The following PHACTR1 variants were observed in gnomAD, a reference collection of about 807,000 sequenced individuals.
The protein encoded by PHACTR1 is phosphatase and actin regulator 1.
PHACTR1 carries 16 observed loss-of-function variants against 69.2 expected under a neutral mutation model. The ratio of observed to expected loss-of-function variants is 0.23; its 90% confidence interval spans 0.16 to 0.35. PHACTR1 has a LOEUF of 0.35. Among genes scored for constraint, PHACTR1 ranks in the 10% least tolerant of loss-of-function variants. The probability of loss-of-function intolerance (pLI) is 1.00; values close to 1 mark genes in which losing one functional copy is unlikely to be tolerated. For missense variants in PHACTR1, 510 were observed against 734.7 expected, an observed-to-expected ratio of 0.69 and a Z score of 3.54; for synonymous variants, 312 against 284.5, an observed-to-expected ratio of 1.10 and a Z score of -0.97.
chr6:12,774,364 T>G (rs955441055), intron 4 of PHACTR1, among the ~76,000 whole-genome samples: 17 of 151,788 alleles, frequency 1.1e-4, no homozygotes, highest in African/African-American at 3.4e-4. Context: ...AATCAATAAT[T>G]TGAACATATT....
At chr6:12,737,513 T>TTA (rs780998928) in intron 3 of PHACTR1, among the ~76,000 whole-genome samples, 236 of 151,212 alleles carry the variant, frequency 1.6e-3, no homozygotes, top group African/African-American at 4.3e-3. Context: ...ATATATGGCT[T>TTA]TATATATATA....
intron 3 of PHACTR1, among the ~76,000 whole-genome samples, chr6:12,726,401 T>G (rs1394739310): frequency 6.6e-6 from 1 of 152,224 alleles, no homozygotes; most frequent in African/African-American, 2.4e-5. Flanking sequence ...AGCTCTGAGC[T>G]GCACCTTGAG....
chr6:12,788,961 G>C (rs1561883608), intron 4 of PHACTR1, among the ~76,000 whole-genome samples: 1 of 152,208 alleles, frequency 6.6e-6, no homozygotes, highest in Non-Finnish European at 1.5e-5. Flanking sequence ...AGAGTATTCG[G>C]AGAAGAAAGG....
intron 4 of PHACTR1, among the ~76,000 whole-genome samples, chr6:12,874,510 T>C (rs1312024891): frequency 6.6e-6 from 1 of 152,230 alleles, no homozygotes; most frequent in Non-Finnish European, 1.5e-5. Context: ...GTAGACACCC[T>C]AGGACTTGCC....
intron 4 of PHACTR1, among the ~76,000 whole-genome samples, chr6:12,945,675 G>A (rs1163164967): frequency 1.3e-5 from 2 of 152,154 alleles, no homozygotes; most frequent in Non-Finnish European, 2.9e-5. Context: ...TTTAAATGCT[G>A]AAGTTCAGCT....
intron 3 of PHACTR1, among the ~76,000 whole-genome samples, chr6:12,737,729 G>T (rs1206691880): frequency 6.6e-6 from 1 of 151,548 alleles, no homozygotes; most frequent in Non-Finnish European, 1.5e-5. Flanking sequence ...TAAGTAGCTG[G>T]GACTACAGGC....
At chr6:13,182,759 G>A (rs749267583) in intron 7 of PHACTR1, 73 bp downstream of exon 7, 46 of 1,416,266 alleles carry the variant, frequency 3.2e-5, no homozygotes, top group Non-Finnish European at 4.3e-5. Flanking sequence ...TCTTTGGCCT[G>A]GCTGGACTTG....
At chr6:12,849,998 G>A (rs562518237) in intron 4 of PHACTR1, among the ~76,000 whole-genome samples, 173 of 152,208 alleles carry the variant, frequency 1.1e-3, no homozygotes, top group Non-Finnish European at 2.1e-3. Flanking sequence ...AAAAATTAAT[G>A]CCTGCTTCTT....
chr6:13,067,199 G>A (rs140777228), intron 5 of PHACTR1, among the ~76,000 whole-genome samples: 141 of 152,236 alleles, frequency 9.3e-4, no homozygotes, highest in African/African-American at 3.1e-3. Flanking sequence ...TTGCCTTATG[G>A]ACTTGAATCT....
chr6:13,160,382 A>AT, intron 6 of PHACTR1, 98 bp downstream of exon 6: 1 of 1,074,264 alleles, frequency 9.3e-7, no homozygotes, highest in Non-Finnish European at 1.4e-6. Flanking sequence ...GCATCACCAG[A>AT]TATCAGGATT....
chr6:12,732,967 T>C (rs528950306), intron 3 of PHACTR1, among the ~76,000 whole-genome samples: 2 of 152,324 alleles, frequency 1.3e-5, no homozygotes, highest in East Asian at 3.9e-4. Flanking sequence ...CGTGATCTAA[T>C]CACTGTCATC....
At chr6:13,215,469 A>G (rs995177933) in intron 8 of PHACTR1, among the ~76,000 whole-genome samples, 4 of 152,248 alleles carry the variant, frequency 2.6e-5, no homozygotes, top group African/African-American at 7.2e-5. Flanking sequence ...AAGGGGTGAT[A>G]TACTGTCTCC....
At chr6:13,080,182 C>G (rs1811150813) in intron 5 of PHACTR1, among the ~76,000 whole-genome samples, 1 of 152,096 alleles carries the variant, frequency 6.6e-6, no homozygotes, top group Non-Finnish European at 1.5e-5. Context: ...CTCCTTTCCA[C>G]CTGACCCCTG....
At chr6:13,204,117 T>TTTA (rs903256821) in intron 7 of PHACTR1, among the ~76,000 whole-genome samples, 4 of 152,028 alleles carry the variant, frequency 2.6e-5, no homozygotes, top group African/African-American at 9.7e-5. Context: ...CAGAGCAGAC[T>TTTA]TTATAGAGGT....
chr6:12,829,379 G>C (rs1328176996), intron 4 of PHACTR1, among the ~76,000 whole-genome samples: 1 of 152,178 alleles, frequency 6.6e-6, no homozygotes, highest in African/African-American at 2.4e-5. Flanking sequence ...GTTTCATAGA[G>C]GAGAAGTTTG....
intron 4 of PHACTR1, among the ~76,000 whole-genome samples, chr6:12,755,548 G>T (rs181128061): frequency 6.6e-6 from 1 of 152,234 alleles, no homozygotes; most frequent in African/African-American, 2.4e-5. Flanking sequence ...CAAAGTTATG[G>T]AAATTTTTGA....
intron 4 of PHACTR1, among the ~76,000 whole-genome samples, chr6:12,919,783 G>T (rs1787436407): frequency 6.6e-6 from 1 of 152,148 alleles, no homozygotes; most frequent in South Asian, 2.1e-4. Context: ...GCTGGACCCT[G>T]ATCTTAAGGA....
intron 6 of PHACTR1, among the ~76,000 whole-genome samples, chr6:13,169,547 C>G (rs57245212): frequency 2.0e-5 from 3 of 152,078 alleles, no homozygotes; most frequent in African/African-American, 7.2e-5. Context: ...GAAGGACCCT[C>G]AAAAACTAAG....
chr6:12,834,463 G>A (rs1460818988), intron 4 of PHACTR1, among the ~76,000 whole-genome samples: 1 of 152,118 alleles, frequency 6.6e-6, no homozygotes, highest in African/African-American at 2.4e-5. Context: ...AAATGGCAGT[G>A]TTATCCAAGA....
Sources: allele counts gnomAD v4.1 joint callset (sites outside exome capture counted in the v4.1 genomes callset), GRCh38; gene constraint gnomAD v4.1.1; transcripts MANE v1.5; gene names NCBI Gene and HGNC (gene_info 2026-07-23, HGNC 2026-07-21).